Variants in ROBO1 observed in about 807,000 individuals in gnomAD.
ROBO1 encodes the protein roundabout homolog 1.
In ROBO1, 149 loss-of-function variants were observed where a neutral mutation model predicts 195.9. That is an observed-to-expected ratio of 0.76 (90% CI 0.67 to 0.87). The LOEUF (loss-of-function observed/expected upper bound fraction) is 0.87. Among genes scored for constraint, ROBO1 ranks in the 40% least tolerant of loss-of-function variants. The pLI is 0.00. For synonymous variants in ROBO1, 816 were observed against 733.2 expected, an observed-to-expected ratio of 1.11 and a Z score of -1.82; for missense variants, 1,933 against 2,068.3, an observed-to-expected ratio of 0.93 and a Z score of 1.27.
intron 1 of ROBO1, among the ~76,000 whole-genome samples, chr3:79,761,208 G>C (rs1704681503): frequency 6.7e-6 from 1 of 148,932 alleles, no homozygotes; most frequent in Admixed American, 6.7e-5. Flanking sequence ...ATATTGCAAT[G>C]AATATGAATA....
At chr3:79,749,194 T>A (rs1704013852) in intron 1 of ROBO1, among the ~76,000 whole-genome samples, 1 of 152,116 alleles carries the variant, frequency 6.6e-6, no homozygotes, top group South Asian at 2.1e-4. Flanking sequence ...GCAAAGAGAC[T>A]GGTGACATTT....
At chr3:78,795,695 C>T (rs377755297) in intron 4 of ROBO1, among the ~76,000 whole-genome samples, 298 of 140,698 alleles carry the variant, frequency 2.1e-3, no homozygotes, top group South Asian at 7.1e-3. Context: ...TTTATAGCTA[C>T]GGAGGCATGT....
chr3:78,844,840 A>C (rs1317080517), intron 4 of ROBO1, among the ~76,000 whole-genome samples: 2 of 152,090 alleles, frequency 1.3e-5, no homozygotes, highest in African/African-American at 4.8e-5. Context: ...ATTTGAGTGT[A>C]GGTAAAACCT....
rs141963126 is a variant in ROBO1 at position 79,085,985 on chromosome 3, A to G, written c.172+39471T>C. Among the ~76,000 whole-genome samples the G allele has an allele frequency of 4.1e-3, 617 of 152,308 alleles. 4 individuals carry two copies. The highest frequency in any genetic ancestry group is 0.012 in the African/African-American group (519 of 41,586). ...TAACTTCTCTGTTTGTTAATGTATT[A>G]TTATTACAAACAGCTGATAAGAGCC... On this transcript the variant is annotated intron_variant, in intron 3 of 30. Coordinates refer to ENST00000464233, the MANE Select transcript of ROBO1 (RefSeq NM_002941.4).
intron 2 of ROBO1, among the ~76,000 whole-genome samples, chr3:79,438,357 C>CA (rs1308276482): frequency 6.6e-6 from 1 of 151,576 alleles, no homozygotes; most frequent in Non-Finnish European, 1.5e-5. Context: ...TTATTATTAC[C>CA]AAAAAAAGTC....
chr3:78,763,816 C>T (rs9849099), intron 4 of ROBO1, among the ~76,000 whole-genome samples: 4,419 of 152,202 alleles, frequency 0.029, 198 homozygotes, highest in African/African-American at 0.1. Flanking sequence ...ACCGGCAAAG[C>T]GATTTGCCAC....
At chr3:79,758,516 AGT>A (rs1325216171) in intron 1 of ROBO1, among the ~76,000 whole-genome samples, 1 of 152,206 alleles carries the variant, frequency 6.6e-6, no homozygotes. Context: ...AATACAGGTA[AGT>A]GCTCAGTCTT....
In ROBO1 at chr3:78,635,927, G is replaced by C; in HGVS notation, c.3219C>G (p.Tyr1073Ter). ...TTGACTGGATGAGCTGAGTGGTGGC[G>C]TAAGGAGTAGGCTGCCCTGATGGAT... is the stretch of plus-strand genomic sequence containing the variant. Reference protein sequence around the residue: ...FVNPSGQPTPYATTQLIQSNL... With the variant: ...FVNPSGQPTP Residue 1073 changes from tyrosine (Y) to a stop codon, truncating the protein, a stop_gained, in exon 23 of 31, where the codon TAC becomes TAG. Coordinates refer to ENST00000464233, the MANE Select transcript of ROBO1 (RefSeq NM_002941.4). LOFTEE classifies it high-confidence loss of function. 1 of 1,613,938 alleles carries C rather than the reference G, an allele frequency of 6.2e-7. No individual in the cohort carries two copies. Among genetic ancestry groups the C allele is most frequent in the Admixed American group, 1.7e-5 (1 of 60,016 alleles).
At chr3:79,208,554 C>T (rs1036924217) in intron 2 of ROBO1, among the ~76,000 whole-genome samples, 1 of 152,070 alleles carries the variant, frequency 6.6e-6, no homozygotes, top group African/African-American at 2.4e-5. Context: ...TCACCTGGAC[C>T]TAAAAGAGGT....
intron 2 of ROBO1, among the ~76,000 whole-genome samples, chr3:79,303,127 C>G (rs1392822224): frequency 1.4e-5 from 2 of 147,046 alleles, no homozygotes; most frequent in Non-Finnish European, 3.0e-5. Flanking sequence ...CTGACTAACT[C>G]TAGCTAATTA....
At chr3:79,154,172 C>T (rs1267220381) in intron 2 of ROBO1, among the ~76,000 whole-genome samples, 2 of 151,798 alleles carry the variant, frequency 1.3e-5, no homozygotes, top group South Asian at 2.1e-4. Flanking sequence ...TCAGAGTAAA[C>T]ATTTGTTGAG....
chr3:78,633,334 T>G (rs1705293329), intron 24 of ROBO1, among the ~76,000 whole-genome samples: 1 of 152,170 alleles, frequency 6.6e-6, no homozygotes, highest in South Asian at 2.1e-4. Context: ...GGAAAACAGC[T>G]GGCAAACAGC....
chr3:78,652,839 C>T (rs1206895216), intron 18 of ROBO1, among the ~76,000 whole-genome samples: 1 of 150,314 alleles, frequency 6.7e-6, no homozygotes, highest in Non-Finnish European at 1.5e-5. Flanking sequence ...TTTTTCAAGC[C>T]CACCATAACA....
chr3:79,297,910 T>A (rs1308893929), intron 2 of ROBO1, among the ~76,000 whole-genome samples: 2 of 152,084 alleles, frequency 1.3e-5, no homozygotes, highest in Non-Finnish European at 2.9e-5. Flanking sequence ...TGTCATGGAA[T>A]GCAACTAGCA....
intron 1 of ROBO1, among the ~76,000 whole-genome samples, chr3:79,665,075 T>A (rs1301995177): frequency 6.6e-6 from 1 of 151,978 alleles, no homozygotes; most frequent in Non-Finnish European, 1.5e-5. Flanking sequence ...AGGTTCCCTT[T>A]CTTTAGAGAT....
At chr3:79,587,932 G>GACAGGTAA (rs1270533030) in intron 2 of ROBO1, among the ~76,000 whole-genome samples, 1 of 151,554 alleles carries the variant, frequency 6.6e-6, no homozygotes, top group African/African-American at 2.4e-5. Context: ...TATTTCTTTT[G>GACAGGTAA]ACAGGTAAAT....
chr3:79,216,922 G>A (rs1451026708), intron 2 of ROBO1, among the ~76,000 whole-genome samples: 2 of 151,978 alleles, frequency 1.3e-5, no homozygotes, highest in African/African-American at 2.4e-5. Flanking sequence ...GTGTCGAATG[G>A]TTCTGCCCTG....
chr3:78,694,816 A>C (rs2081250122), intron 8 of ROBO1, among the ~76,000 whole-genome samples: 1 of 152,174 alleles, frequency 6.6e-6, no homozygotes, highest in Non-Finnish European at 1.5e-5. Flanking sequence ...AAGTTATAGG[A>C]TTACCGTTTG....
intron 3 of ROBO1, among the ~76,000 whole-genome samples, chr3:79,004,933 C>A (rs2077587202): frequency 1.3e-5 from 2 of 152,216 alleles, no homozygotes; most frequent in South Asian, 4.1e-4. Context: ...GTCCCAGGGA[C>A]CATAAAAATC....
Sources: gnomAD v4.1 joint callset for allele counts (sites outside exome capture counted in the v4.1 genomes callset) on GRCh38, gnomAD v4.1.1 for gene constraint, MANE v1.5 for transcripts, NCBI Gene and HGNC (gene_info 2026-07-23, HGNC 2026-07-21) for gene names.